PATJ: variants seen among roughly 807,000 people sequenced by gnomAD.
The protein encoded by PATJ is inaD-like protein.
PATJ carries 190 observed loss-of-function variants against 224.9 expected under a neutral mutation model. The observed-to-expected ratio is 0.84, with a 90% CI of 0.75 to 0.95. The LOEUF is 0.95. PATJ is among the 40% of genes least tolerant of loss of function. PATJ has a pLI of 0.00. For synonymous variants in PATJ, 769 were observed against 820.3 expected (o/e 0.94, Z 1.07); for missense variants, 2,121 against 2,270.3 (o/e 0.93, Z 1.34).
At chr1:62,012,509 A>G (rs1646511474) in intron 28 of PATJ, among the ~76,000 whole-genome samples, 1 of 152,112 alleles carries the variant, frequency 6.6e-6, no homozygotes, top group African/African-American at 2.4e-5. Flanking sequence ...AAGACTTTCT[A>G]TATCTGTTGT....
At chr1:61,794,253 C>A (rs185656559) in intron 9 of PATJ, among the ~76,000 whole-genome samples, 6 of 151,648 alleles carry the variant, frequency 4.0e-5, no homozygotes, top group Admixed American at 3.9e-4. Context: ...TCAGGTGATT[C>A]TCATGCCTCA....
intron 17 of PATJ, among the ~76,000 whole-genome samples, chr1:61,834,035 T>A (rs1403428552): frequency 6.6e-6 from 1 of 152,212 alleles, no homozygotes; most frequent in Non-Finnish European, 1.5e-5. Context: ...TAGAGCAGGA[T>A]CTTGATGAAC....
At chr1:61,918,702 C>T (rs1248113623) in intron 26 of PATJ, among the ~76,000 whole-genome samples, 2 of 152,094 alleles carry the variant, frequency 1.3e-5, no homozygotes, top group African/African-American at 2.4e-5. Flanking sequence ...GTGGCTCACT[C>T]CTGTAATCCC....
chr1:61,786,799 G>A (rs551987807), intron 7 of PATJ, among the ~76,000 whole-genome samples: 26 of 152,062 alleles, frequency 1.7e-4, no homozygotes, highest in Middle Eastern at 3.4e-3. Context: ...AGATCAGCCT[G>A]ACATGGTGAA....
chr1:61,808,801 TG>T (rs764862463), intron 14 of PATJ, among the ~76,000 whole-genome samples: 1 of 152,194 alleles, frequency 6.6e-6, no homozygotes, highest in Non-Finnish European at 1.5e-5. Context: ...AGAAATGTGA[TG>T]GGTCTCACTG....
intron 30 of PATJ, among the ~76,000 whole-genome samples, chr1:62,049,243 TCACACACA>T (rs60099928): frequency 6.3e-4 from 87 of 137,268 alleles, no homozygotes; most frequent in African/African-American, 1.8e-3. Flanking sequence ...AAGTAAGCAA[TCACACACA>T]CACACACACA....
chr1:62,005,810 A>T (rs1388552323), intron 28 of PATJ, among the ~76,000 whole-genome samples: 1 of 152,216 alleles, frequency 6.6e-6, no homozygotes, highest in Non-Finnish European at 1.5e-5. Context: ...AGATTTAATT[A>T]TCACCAATTC....
At chr1:62,117,754 G>GC (rs1423628616) in intron 37 of PATJ, among the ~76,000 whole-genome samples, 1 of 142,586 alleles carries the variant, frequency 7.0e-6, no homozygotes, top group African/African-American at 2.7e-5. Flanking sequence ...TGATGTAAGT[G>GC]CCATTTTTTT....
chr1:61,960,239 A>G (rs1222531073), intron 27 of PATJ, among the ~76,000 whole-genome samples: 1 of 152,206 alleles, frequency 6.6e-6, no homozygotes, highest in Non-Finnish European at 1.5e-5. Flanking sequence ...TGGAAATGGA[A>G]GCACTTACCT....
Position 61,771,534 on chromosome 1 carries a change from ACTGGATCTTTGAGACTGATTGTGGC to A in PATJ, c.630_654del (p.Ser212AsnfsTer13), listed in dbSNP as rs1646609167. 6.2e-7 allele frequency: 1 copy of A among 1,613,270 alleles called. No individual in the cohort carries two copies. Among genetic ancestry groups the A allele is most frequent in the Admixed American group, 1.7e-5 (1 of 59,892 alleles). Reference sequence around the variant, plus strand: ...AGCAATTGCATTATTACAACAAACCACTGGATCTTTGAGACTGATTGTGGCCAGGGAACCAGTCCACACAAAAAGC... The same window carrying A: ...AGCAATTGCATTATTACAACAAACCACAGGGAACCAGTCCACACAAAAAGC... On this transcript the variant is annotated frameshift_variant, in exon 6 of 44. Transcript: ENST00000642238. LOFTEE classifies it high-confidence loss of function.
chr1:61,755,646 A>T (rs888485372), intron 1 of PATJ, among the ~76,000 whole-genome samples: 3 of 152,164 alleles, frequency 2.0e-5, no homozygotes, highest in Non-Finnish European at 2.9e-5. Context: ...GTTTACAAGG[A>T]CCCTTTCAAA....
chr1:62,115,084 G>T (rs1482012322), intron 35 of PATJ, among the ~76,000 whole-genome samples: 3 of 152,084 alleles, frequency 2.0e-5, no homozygotes, highest in Non-Finnish European at 4.4e-5. Context: ...GAGGTGGGTG[G>T]ATCACCTGAG....
In PATJ at chr1:61,766,293, C is replaced by G; in HGVS notation, c.204C>G (p.Pro68=). ...KQLKGQLNHI[P]SDCSANFDFS... ...CTCTCCAACAGCTCAACCATATACC[C>G]TCAGATTGTTCAGCCAACTTTGATT... The change falls in exon 4 of 44, where the codon CCC becomes CCG. Residue 68 remains proline, a synonymous_variant. Transcript: ENST00000642238. The G allele has an allele frequency of 6.2e-7, 1 of 1,607,806 alleles. No individual in the cohort carries two copies. The highest frequency in any genetic ancestry group is 8.5e-7 in the Non-Finnish European group (1 of 1,176,764).
At chr1:61,817,283 C>G (rs1023484334) in intron 14 of PATJ, among the ~76,000 whole-genome samples, 1 of 152,146 alleles carries the variant, frequency 6.6e-6, no homozygotes, top group African/African-American at 2.4e-5. Context: ...GATGTTTGAC[C>G]TTAGTATTAG....
At chr1:62,045,237 A>C (rs1428688554) in intron 30 of PATJ, among the ~76,000 whole-genome samples, 1 of 152,174 alleles carries the variant, frequency 6.6e-6, no homozygotes, top group Non-Finnish European at 1.5e-5. Flanking sequence ...AAAAAAAAAA[A>C]AAGGAAATGT....
At chr1:61,832,644 A>G (rs1459882932) in intron 16 of PATJ, among the ~76,000 whole-genome samples, 4 of 152,196 alleles carry the variant, frequency 2.6e-5, no homozygotes, top group East Asian at 1.9e-4. Context: ...TGAGCCAGGC[A>G]TTATATAGTT....
At chr1:61,805,939 A>G (rs1288129369) in intron 13 of PATJ, among the ~76,000 whole-genome samples, 4 of 152,252 alleles carry the variant, frequency 2.6e-5, no homozygotes, top group Non-Finnish European at 4.4e-5. Flanking sequence ...TATGTTTCAC[A>G]AAGAATCTTA....
intron 29 of PATJ, among the ~76,000 whole-genome samples, chr1:62,028,817 G>C (rs1414004885): frequency 6.6e-6 from 1 of 152,008 alleles, no homozygotes; most frequent in African/African-American, 2.4e-5. Context: ...AGCCAGAAAT[G>C]GTAGCCTGTA....
At chr1:62,106,085 C>T (rs1333897361) in intron 33 of PATJ, among the ~76,000 whole-genome samples, 102 of 53,380 alleles carry the variant, frequency 1.9e-3, no homozygotes, top group African/African-American at 4.9e-3. Flanking sequence ...TATATACACA[C>T]ACACACACAC....
Sources: allele counts gnomAD v4.1 joint callset (sites outside exome capture counted in the v4.1 genomes callset), GRCh38; gene constraint gnomAD v4.1.1; transcripts MANE v1.5; gene names NCBI Gene and HGNC (gene_info 2026-07-23, HGNC 2026-07-21).